ELL: variants seen among roughly 807,000 people sequenced by gnomAD.
ELL encodes the protein elongation factor for RNA polymerase II, also known as RNA polymerase II elongation factor ELL.
ELL carries 18 observed loss-of-function variants against 64.0 expected under a neutral mutation model. The ratio of observed to expected loss-of-function variants is 0.28; its 90% CI spans 0.19 to 0.42. The LOEUF (loss-of-function observed/expected upper bound fraction) is 0.42, where lower values mean the gene tolerates loss of function less well. ELL is among the 10% of genes least tolerant of loss of function. The probability of loss-of-function intolerance (pLI) is 1.00; values close to 1 mark genes in which losing one functional copy is unlikely to be tolerated. For synonymous variants in ELL, 399 were observed against 376.2 expected, an observed-to-expected ratio of 1.06 and a Z score of -0.70; for missense variants, 797 against 870.4, an observed-to-expected ratio of 0.92 and a Z score of 1.06.
chr19:18,445,101 A>G, intron 11 of ELL, 123 bp downstream of exon 11: 6 of 1,397,968 alleles, frequency 4.3e-6, no homozygotes, highest in Non-Finnish European at 6.0e-6. Context: ...CTTTGGCCTC[A>G]GACTCAAAGG....
At chr19:18,489,786 G>A (rs1289668297) in intron 1 of ELL, among the ~76,000 whole-genome samples, 2 of 152,120 alleles carry the variant, frequency 1.3e-5, no homozygotes, top group Non-Finnish European at 2.9e-5. Context: ...GCTCACTGGG[G>A]CCCCGGCCTC....
chr19:18,520,769 G>A (rs1421929580), intron 1 of ELL, among the ~76,000 whole-genome samples: 3 of 144,440 alleles, frequency 2.1e-5, no homozygotes, highest in African/African-American at 7.7e-5. Flanking sequence ...CAGGGAGCAG[G>A]GCTCTCTGAG....
intron 1 of ELL, among the ~76,000 whole-genome samples, chr19:18,473,972 CA>C (rs1244491637): frequency 1.3e-5 from 2 of 152,234 alleles, no homozygotes; most frequent in Admixed American, 6.5e-5. Flanking sequence ...CCCCAGAGGG[CA>C]AAGCACTACT....
chr19:18,470,891 A>G (rs558714362), intron 2 of ELL: 29 of 453,996 alleles, frequency 6.4e-5, no homozygotes, highest in African/African-American at 5.2e-4. Flanking sequence ...GTCTGAGCCC[A>G]CTGCTTGCAA....
intron 2 of ELL, among the ~76,000 whole-genome samples, chr19:18,468,104 CACA>C (rs1230254630): frequency 4.0e-5 from 6 of 148,896 alleles, no homozygotes; most frequent in Admixed American, 2.7e-4. Flanking sequence ...AACCCCTACA[CACA>C]ACCACACAAA....
At chr19:18,451,512 C>T (rs1317371766) in intron 7 of ELL, 40 bp downstream of exon 7, 1 of 1,424,958 alleles carries the variant, frequency 7.0e-7, no homozygotes, top group Non-Finnish European at 9.2e-7. Flanking sequence ...GAGTGCCCTG[C>T]AGGTGCTTGG....
intron 1 of ELL, among the ~76,000 whole-genome samples, chr19:18,474,482 G>A (rs1297139857): frequency 2.0e-5 from 3 of 152,210 alleles, no homozygotes; most frequent in Non-Finnish European, 4.4e-5. Context: ...CACCCAGGCC[G>A]TGATGCCCCA....
intron 2 of ELL, chr19:18,472,409 A>G: frequency 5.6e-6 from 1 of 180,038 alleles, no homozygotes; most frequent in Non-Finnish European, 1.2e-5. Flanking sequence ...GCAGTTCACA[A>G]TAGGGTTCGC....
chr19:18,457,962 C>T (rs903663989), intron 6 of ELL, among the ~76,000 whole-genome samples: 11 of 152,300 alleles, frequency 7.2e-5, no homozygotes, highest in East Asian at 5.8e-4. Context: ...ATTCCAAGGT[C>T]GGGGCCAGTG....
Position 18,444,008 on chromosome 19 carries a change from G to A in ELL, c.*744C>T, listed in dbSNP as rs1286373528. 4.3e-6 allele frequency: 1 copy of A among 232,090 alleles called. No homozygotes were observed. The highest frequency in any genetic ancestry group is 8.5e-6 in the Non-Finnish European group (1 of 117,412). 14.4% of individuals were successfully genotyped at this position (232,090 alleles called of 1,614,324 possible). A position where few individuals can be genotyped will look rare whatever the true frequency, so the allele number is the denominator to read the frequency against. ...GGAGCACAGAAACACAGTGGCCCCC[G>A]ACAGCTGAGGGCCTGAAATAGCAGG... On this transcript the variant is annotated 3_prime_UTR_variant, in exon 12 of 12. Transcript: ENST00000262809.
chr19:18,447,731 CT>C (rs1332365698), intron 8 of ELL, among the ~76,000 whole-genome samples: 1 of 152,012 alleles, frequency 6.6e-6, no homozygotes, highest in African/African-American at 2.4e-5. Flanking sequence ...CTTGCAGTGG[CT>C]TTCTTTCCGA....
intron 1 of ELL, among the ~76,000 whole-genome samples, chr19:18,490,189 T>C (rs909682871): frequency 1.3e-5 from 2 of 152,198 alleles, no homozygotes; most frequent in African/African-American, 4.8e-5. Context: ...CTGTGACGTT[T>C]CTGCCACCTG....
rs1975783330 is a variant in ELL, at chr19:18,501,763, G to A, written c.135+20158C>T. Among the ~76,000 whole-genome samples the A allele has an allele frequency of 6.6e-6, 1 of 152,088 alleles. No homozygotes were observed. The highest frequency in any genetic ancestry group is 2.4e-5 in the African/African-American group (1 of 41,398). ...TGAAACCACCAATCCAGGCAAATTCGGACTCTCCCACAAATGGTCCATCCT... is the reference window on the plus strand; with the variant it reads ...TGAAACCACCAATCCAGGCAAATTCAGACTCTCCCACAAATGGTCCATCCT... On this transcript the variant is annotated intron_variant, in intron 1 of 11. Coordinates refer to ENST00000262809, the MANE Select transcript of ELL (RefSeq NM_006532.4). The surrounding 1 kb of genome is among the most constrained non-coding windows in gnomAD (Gnocchi z 4.5).
chr19:18,477,837 G>T (rs2144937143), intron 1 of ELL, among the ~76,000 whole-genome samples: 1 of 152,316 alleles, frequency 6.6e-6, no homozygotes, highest in East Asian at 1.9e-4. Context: ...GAGCATGCAT[G>T]AATAGAAAAG....
chr19:18,445,149 C>A, intron 11 of ELL, 75 bp downstream of exon 11: 3 of 1,580,722 alleles, frequency 1.9e-6, no homozygotes, highest in Non-Finnish European at 2.6e-6. Flanking sequence ...GGCAGGGAGG[C>A]TGCCCCGGGC....
In ELL at chr19:18,491,292, T is replaced by C. The variant is rs924502650; in HGVS notation, c.136-18410A>G. Among the ~76,000 whole-genome samples, 9 of 106,618 alleles carry C rather than the reference T, an allele frequency of 8.4e-5. No individual in the cohort carries two copies. In the East Asian group the frequency reaches 2.7e-3, roughly 32 times the overall value. 69.9% of individuals were successfully genotyped at this position (106,618 alleles called of 152,430 possible). Reference sequence around the variant, plus strand: ...TTTTTTTTTTTTTTTTTTTTTTTTTTAGTAGAGATGGAGTCTTACTGTGTT... The same window carrying C: ...TTTTTTTTTTTTTTTTTTTTTTTTTCAGTAGAGATGGAGTCTTACTGTGTT... On this transcript the variant is annotated intron_variant, in intron 1 of 11. Coordinates refer to ENST00000262809, the MANE Select transcript of ELL (RefSeq NM_006532.4).
rs555550737 is a variant in ELL at position 18,450,334 on chromosome 19, G to C, written c.1465+143C>G. 25 of 1,371,818 alleles carry C rather than the reference G, an allele frequency of 1.8e-5. No individual in the cohort carries two copies. In the East Asian group the frequency reaches 3.0e-4, roughly 16 times the overall value. The allele number at this position is 1,371,818 out of a possible 1,614,324, so 85.0% of individuals were successfully genotyped here. A position where few individuals can be genotyped will look rare whatever the true frequency, so the allele number is the denominator to read the frequency against. On this transcript the variant is annotated intron_variant, in intron 8 of 11. Coordinates refer to ENST00000262809, the MANE Select transcript of ELL (RefSeq NM_006532.4). The stretch of plus-strand genomic sequence containing the variant: ...TAGGGTGCCAGGTGCCAGGCACACA[G>C]GGCAAATCTGATGGGGCCTGGGGCA...
rs750520287 is a variant in ELL at position 18,450,508 on chromosome 19, A to G, written c.1434T>C (p.His478=). The G allele has an allele frequency of 1.9e-6, 3 of 1,612,992 alleles. No homozygotes were observed. In the African/African-American group the frequency reaches 4.0e-5, roughly 22 times the overall value. ...TGTCTGCTGGGGCTCCGGGGGTGGC[A>G]TGGGTGGCAGGTGCACAGTCTGGAA... The part of the protein sequence containing the change: ...AQLPDCAPAT[H]ATPGAPADTP... The change falls in exon 8 of 12, where the codon CAT becomes CAC. Residue 478 remains histidine, a synonymous_variant. Transcript: ENST00000262809.
chr19:18,462,330 G>GT (rs1974840204), intron 4 of ELL, among the ~76,000 whole-genome samples: 1 of 117,554 alleles, frequency 8.5e-6, no homozygotes, highest in Non-Finnish European at 1.7e-5. Context: ...GATCACTCTA[G>GT]TGGGCTGTGT....
Sources: gnomAD v4.1 joint callset for allele counts (sites outside exome capture counted in the v4.1 genomes callset) on GRCh38, gnomAD v4.1.1 for gene constraint, Gnocchi (gnomAD v3.1) non-coding constraint, MANE v1.5 for transcripts, NCBI Gene and HGNC (gene_info 2026-07-23, HGNC 2026-07-21) for gene names.